TRAPPC3: variants seen among roughly 807,000 people sequenced by gnomAD.
TRAPPC3 encodes trafficking protein particle complex subunit 3, also known as trafficking protein particle complex 3.
In TRAPPC3, 5 loss-of-function variants were observed where a neutral mutation model predicts 18.2. That is an observed-to-expected ratio of 0.28 (90% confidence interval 0.14 to 0.58). The LOEUF (loss-of-function observed/expected upper bound fraction) is 0.58, where lower values mean the gene tolerates loss of function less well. TRAPPC3 is among the 20% of genes least tolerant of loss of function. TRAPPC3 has a pLI of 0.91. For synonymous variants in TRAPPC3, 65 were observed against 84.2 expected (o/e 0.77, Z 1.25); for missense variants, 176 against 225.9 (o/e 0.78, Z 1.41).
At chr1:36,148,500 C>T (rs1644232686) in intron 1 of TRAPPC3, among the ~76,000 whole-genome samples, 1 of 150,876 alleles carries the variant, frequency 6.6e-6, no homozygotes, top group Non-Finnish European at 1.5e-5. Context: ...GAGGCTGAGG[C>T]AGAAGAACTG....
chr1:36,144,564 G>A (rs1424601283), intron 1 of TRAPPC3, among the ~76,000 whole-genome samples: 2 of 152,174 alleles, frequency 1.3e-5, no homozygotes, highest in African/African-American at 4.8e-5. Flanking sequence ...TAAGGTGAGA[G>A]GATGGCTCGA....
Position 36,149,414 on chromosome 1 carries a change from G to T in TRAPPC3, c.-36C>A. 6.2e-7 allele frequency: 1 copy of T among 1,610,434 alleles called. No individual in the cohort carries two copies. On this transcript the variant is annotated 5_prime_UTR_variant, in exon 1 of 5. Coordinates refer to ENST00000373166, the MANE Select transcript of TRAPPC3 (RefSeq NM_014408.5). ...GCCCCGCCCCACTCGCCTAGCCACG[G>T]GTTAGCTCGGCGACCCCTGCAGACG...
At chr1:36,146,370 C>A (rs931769908) in intron 1 of TRAPPC3, among the ~76,000 whole-genome samples, 4 of 150,626 alleles carry the variant, frequency 2.7e-5, no homozygotes, top group African/African-American at 7.3e-5. Flanking sequence ...AATCTCAGCT[C>A]ACTGCAAGCT....
In TRAPPC3 at chr1:36,137,185, C is replaced by T; in HGVS notation, c.*18G>A. 6.3e-7 allele frequency: 1 copy of T among 1,598,798 alleles called. No individual in the cohort carries two copies. The highest frequency in any genetic ancestry group is 1.1e-5 in the South Asian group (1 of 90,670). On this transcript the variant is annotated 3_prime_UTR_variant, in exon 5 of 5. Coordinates refer to ENST00000373166, the MANE Select transcript of TRAPPC3 (RefSeq NM_014408.5). ...TCCAACAGTGCTCCTGATGGCTATCCTCGAGTTGTAGGGATGGTTATTCCT... is the reference window on the plus strand; with the variant it reads ...TCCAACAGTGCTCCTGATGGCTATCTTCGAGTTGTAGGGATGGTTATTCCT...
chr1:36,150,382 G>A (rs115204552), upstream of TRAPPC3, among the ~76,000 whole-genome samples: 1,322 of 152,334 alleles, frequency 8.7e-3, 26 homozygotes, highest in African/African-American at 0.03. Context: ...CCATCACCAA[G>A]GGGAAGTCTA....
In TRAPPC3 at chr1:36,137,324, TG is replaced by T; in HGVS notation, c.424-3del. Reference sequence around the variant, plus strand: ...CTTGGCCTCCACAGCCATCTGGACCTGGGGGACAGTGGGAAAACGAAGGGGT... The same window carrying T: ...CTTGGCCTCCACAGCCATCTGGACCTGGGGACAGTGGGAAAACGAAGGGGT... On this transcript the variant is annotated splice_region_variant and splice_polypyrimidine_tract_variant and intron_variant, in intron 4 of 4. Coordinates refer to ENST00000373166, the MANE Select transcript of TRAPPC3 (RefSeq NM_014408.5). The T allele has an allele frequency of 6.2e-7, 1 of 1,607,332 alleles. No homozygotes were observed. Among genetic ancestry groups the T allele is most frequent in the Non-Finnish European group, 8.5e-7 (1 of 1,174,404 alleles).
chr1:36,149,102 G>T, intron 1 of TRAPPC3: 17 of 1,408,418 alleles, frequency 1.2e-5, no homozygotes, highest in Middle Eastern at 2.3e-4. Flanking sequence ...CGTCGTTGTT[G>T]TTGGCTTAGC....
chr1:36,145,275 C>T (rs866894368), intron 1 of TRAPPC3, among the ~76,000 whole-genome samples: 9 of 152,066 alleles, frequency 5.9e-5, no homozygotes, highest in South Asian at 2.1e-4. Context: ...GTGATCCACC[C>T]GCCTCCACCT....
chr1:36,137,399 T>C, intron 4 of TRAPPC3, 77 bp from the exon 5 acceptor site: 1 of 1,484,536 alleles, frequency 6.7e-7, no homozygotes. Flanking sequence ...GGGGCATAAC[T>C]GACTCATCCA....
chr1:36,155,184 C>A (rs997740172), intron 1 of TRAPPC3, among the ~76,000 whole-genome samples: 1 of 152,180 alleles, frequency 6.6e-6, no homozygotes, highest in African/African-American at 2.4e-5. Context: ...GGCACAGCTG[C>A]CCCTCCTCCT....
At position 36,147,183 on chromosome 1, in the gene TRAPPC3, G is replaced by T. The variant is rs532058807; in HGVS notation, c.42+2154C>A. Among the ~76,000 whole-genome samples the T allele has an allele frequency of 3.3e-5, 5 of 152,124 alleles. No individual in the cohort carries two copies. In the South Asian group the frequency reaches 1.0e-3, roughly 32 times the overall value. ...CTGGGAATACAAAAATTAGCCAGCC[G>T]TAGTGGTTGGGTGCCTGTAATCCTA... is the stretch of plus-strand genomic sequence containing the variant. On this transcript the variant is annotated intron_variant, in intron 1 of 4. Coordinates refer to ENST00000373166, the MANE Select transcript of TRAPPC3 (RefSeq NM_014408.5).
chr1:36,139,886 T>G (rs1276102018), intron 2 of TRAPPC3, 67 bp from the exon 3 acceptor site: 8 of 1,590,326 alleles, frequency 5.0e-6, no homozygotes, highest in African/African-American at 1.4e-5. Flanking sequence ...CATAAGGTTG[T>G]TGGTGGTAAA....
chr1:36,154,899 T>C (rs570581246), intron 1 of TRAPPC3, among the ~76,000 whole-genome samples: 32 of 152,290 alleles, frequency 2.1e-4, no homozygotes, highest in African/African-American at 7.5e-4. Flanking sequence ...GAGGGGACAC[T>C]ATTCCCTTCC....
intron 1 of TRAPPC3, among the ~76,000 whole-genome samples, chr1:36,154,591 G>A (rs1644299981): frequency 6.6e-6 from 1 of 151,094 alleles, no homozygotes; most frequent in Non-Finnish European, 1.5e-5. Flanking sequence ...CAGATAAGAT[G>A]ACTGACACAA....
chr1:36,138,288 TG>T, intron 3 of TRAPPC3: 1 of 1,533,060 alleles, frequency 6.5e-7, no homozygotes, highest in Non-Finnish European at 8.7e-7. Context: ...TACTTCTCAG[TG>T]GAAGGGAGCA....
At chr1:36,138,194 C>CATTGT in intron 3 of TRAPPC3, 1 of 1,549,710 alleles carries the variant, frequency 6.5e-7, no homozygotes, top group Non-Finnish European at 8.7e-7. Context: ...TTGCCTGTCG[C>CATTGT]TTTGTTTTGT....
At chr1:36,142,292 A>AT (rs1055311291) in intron 1 of TRAPPC3, among the ~76,000 whole-genome samples, 7 of 152,148 alleles carry the variant, frequency 4.6e-5, no homozygotes, top group African/African-American at 7.2e-5. Flanking sequence ...GAGGGGAACG[A>AT]TTTTTTTAGT....
chr1:36,137,068 G>T lies in TRAPPC3; in HGVS notation c.*135C>A. On this transcript the variant is annotated 3_prime_UTR_variant, in exon 5 of 5. Transcript: ENST00000373166. ...ATCGCAGTCTGCTCTTTATTTGAAT[G>T]GAGAATGGAAACAGGTTATAAGAAT... is the stretch of plus-strand genomic sequence containing the variant. 1 of 1,079,688 alleles carries T rather than the reference G, an allele frequency of 9.3e-7. No homozygotes were observed. Among genetic ancestry groups the T allele is most frequent in the Non-Finnish European group, 1.3e-6 (1 of 753,536 alleles). 66.9% of individuals were successfully genotyped at this position (1,079,688 alleles called of 1,614,324 possible).
intron 1 of TRAPPC3, 60 bp from the exon 2 acceptor site, chr1:36,140,226 A>G: frequency 1.9e-6 from 2 of 1,043,134 alleles, no homozygotes; most frequent in South Asian, 1.8e-5. Context: ...GCGTGGTGAG[A>G]GTCTGGACCA....
Sources: allele counts gnomAD v4.1 joint callset (sites outside exome capture counted in the v4.1 genomes callset), GRCh38; gene constraint gnomAD v4.1.1; transcripts MANE v1.5; gene names NCBI Gene and HGNC (gene_info 2026-07-23, HGNC 2026-07-21).